Variants in MAP3K2 observed in about 807,000 individuals in gnomAD.
MAP3K2 encodes the protein mitogen-activated protein kinase kinase kinase 2.
In MAP3K2, 24 loss-of-function variants were observed where a neutral mutation model predicts 80.3. That is an observed-to-expected ratio of 0.30 (90% confidence interval 0.22 to 0.42). The LOEUF is 0.42. Ranked by LOEUF, MAP3K2 falls within the 10% of genes least tolerant of loss-of-function variation. The pLI, the probability that MAP3K2 is intolerant of heterozygous loss-of-function variation, is 1.00. For missense variants in MAP3K2, 608 were observed against 750.1 expected, an observed-to-expected ratio of 0.81 and a Z score of 2.21; for synonymous variants, 244 against 253.7, an observed-to-expected ratio of 0.96 and a Z score of 0.36.
chr2:127,378,981 G>GT (rs58961718), intron 1 of MAP3K2, among the ~76,000 whole-genome samples: 21,630 of 88,170 alleles, frequency 0.25, 3,810 homozygotes, highest in Middle Eastern at 0.32. Flanking sequence ...GTTTTTTGTT[G>GT]TTTTTTTTTT....
At position 127,322,322 on chromosome 2, in the gene MAP3K2, TG is replaced by T; in HGVS notation, c.839-71del. ...TTATACTTTTAAAGTATTTAAAATTTGTAATGTAGAGAATAGAAATTTGTCC... is the reference window on the plus strand; with the variant it reads ...TTATACTTTTAAAGTATTTAAAATTTTAATGTAGAGAATAGAAATTTGTCC... On this transcript the variant is annotated intron_variant, in intron 11 of 16. Coordinates refer to ENST00000682094, the MANE Select transcript of MAP3K2 (RefSeq NM_001371910.2). This position sits in a 1 kb window ranked among gnomAD's most constrained non-coding sequence, Gnocchi z 4.2. 1 of 1,013,402 alleles carries T rather than the reference TG, an allele frequency of 9.9e-7. No homozygotes were observed. Among genetic ancestry groups the T allele is most frequent in the Non-Finnish European group, 1.4e-6 (1 of 694,926 alleles). 62.8% of individuals were successfully genotyped at this position (1,013,402 alleles called of 1,614,324 possible). A position where few individuals can be genotyped will look rare whatever the true frequency, so the allele number is the denominator to read the frequency against.
intron 6 of MAP3K2, 88 bp from the exon 7 acceptor site, chr2:127,330,096 A>G (rs1166954124): frequency 1.3e-5 from 10 of 762,508 alleles, no homozygotes. Context: ...AAAACATTTT[A>G]TATTGTTTGT....
chr2:127,331,565 G>T (rs1167948293), intron 5 of MAP3K2, among the ~76,000 whole-genome samples: 2 of 152,168 alleles, frequency 1.3e-5, no homozygotes, highest in African/African-American at 4.8e-5. Flanking sequence ...TAGCTGGCAT[G>T]GTGTATGTTC....
At chr2:127,354,693 T>A (rs961930281) in intron 1 of MAP3K2, among the ~76,000 whole-genome samples, 1 of 151,872 alleles carries the variant, frequency 6.6e-6, no homozygotes, top group African/African-American at 2.4e-5. Flanking sequence ...CCTAACAAGG[T>A]AGAATTCATA....
At chr2:127,343,702 G>C (rs1686541965) in intron 1 of MAP3K2, among the ~76,000 whole-genome samples, 1 of 152,118 alleles carries the variant, frequency 6.6e-6, no homozygotes, top group African/African-American at 2.4e-5. Context: ...ACAGGAAAGG[G>C]AAAGGATAGA....
chr2:127,343,020 AAATTT>A (rs1388009421), intron 2 of MAP3K2, 101 bp downstream of exon 2: 3 of 809,340 alleles, frequency 3.7e-6, no homozygotes, highest in Admixed American at 2.8e-5. Flanking sequence ...CTATATCATA[AAATTT>A]ATTTATAAAA....
intron 15 of MAP3K2, among the ~76,000 whole-genome samples, chr2:127,311,400 A>G (rs1348979878): frequency 2.0e-5 from 3 of 152,216 alleles, no homozygotes; most frequent in Non-Finnish European, 4.4e-5. Context: ...AGACAGGGGA[A>G]GCTGTCTCTG....
chr2:127,359,184 T>C (rs1319077334), intron 1 of MAP3K2, among the ~76,000 whole-genome samples: 1 of 152,202 alleles, frequency 6.6e-6, no homozygotes, highest in Non-Finnish European at 1.5e-5. Flanking sequence ...GAGTTAATTC[T>C]AATGTAAATT....
chr2:127,343,242 G>C (rs1686534157), intron 1 of MAP3K2, 48 bp from the exon 2 acceptor site: 1 of 746,266 alleles, frequency 1.3e-6, no homozygotes, highest in African/African-American at 1.8e-5. Context: ...AAACAGAAAA[G>C]GAGCCAGGAA....
At chr2:127,369,836 T>C (rs1314583881) in intron 1 of MAP3K2, among the ~76,000 whole-genome samples, 1 of 152,206 alleles carries the variant, frequency 6.6e-6, no homozygotes, top group Non-Finnish European at 1.5e-5. Context: ...TCTGATATGG[T>C]CTCTTTTCTC....
chr2:127,379,820 CCA>C lies in MAP3K2; in HGVS notation c.-66+7630_-66+7631del, dbSNP rs1414034885. 1.1e-4 allele frequency among the ~76,000 whole-genome samples: 17 copies of C among 152,316 alleles called. No individual in the cohort carries two copies. The East Asian group carries it at 3.3e-3, about 29-fold the overall frequency. On this transcript the variant is annotated intron_variant, in intron 1 of 16. Coordinates refer to ENST00000682094, the MANE Select transcript of MAP3K2 (RefSeq NM_001371910.2). ...TGCCTGAGTTCAAGTCCTAGCTCCACCACAGACAAGATGTGTGAACCTAAGCA... is the reference window on the plus strand; with the variant it reads ...TGCCTGAGTTCAAGTCCTAGCTCCACCAGACAAGATGTGTGAACCTAAGCA...
intron 12 of MAP3K2, among the ~76,000 whole-genome samples, chr2:127,319,673 A>AAAAAAAAAAAAG (rs1558975361): frequency 7.0e-5 from 10 of 142,568 alleles, no homozygotes; most frequent in African/African-American, 2.7e-4. Context: ...AAAAAAAAAA[A>AAAAAAAAAAAAG]AAAAAGAAAA....
At chr2:127,317,014 T>C (rs1336718413) in intron 14 of MAP3K2, 1 of 148,280 alleles carries the variant, frequency 6.7e-6, no homozygotes, top group Non-Finnish European at 1.5e-5. Flanking sequence ...AAAAACAAAA[T>C]CCACAAGAAT....
chr2:127,324,291 TAAAAAG>T, intron 9 of MAP3K2, 50 bp from the exon 10 acceptor site: 4 of 1,119,012 alleles, frequency 3.6e-6, no homozygotes, highest in Non-Finnish European at 5.1e-6. Flanking sequence ...CGTAAGACAT[TAAAAAG>T]AAAATCTTTG....
chr2:127,321,741 C>A lies in MAP3K2; in HGVS notation c.1045+305G>T, dbSNP rs1244057761. Among the ~76,000 whole-genome samples, 1 of 152,058 alleles carries A rather than the reference C, an allele frequency of 6.6e-6. No individual in the cohort carries two copies. Among genetic ancestry groups the A allele is most frequent in the Non-Finnish European group, 1.5e-5 (1 of 68,014 alleles). On this transcript the variant is annotated intron_variant, in intron 12 of 16. Transcript: ENST00000682094. The surrounding 1 kb of genome is among the most constrained non-coding windows in gnomAD (Gnocchi z 4.4). Reference sequence around the variant, plus strand: ...TATCATCTATCCCATTAGATTATGTCTTGGAGATTATGTTTGAAATCTCAG... The same window carrying A: ...TATCATCTATCCCATTAGATTATGTATTGGAGATTATGTTTGAAATCTCAG...
At chr2:127,317,877 C>T in intron 13 of MAP3K2, 117 bp from the exon 14 acceptor site, 1 of 911,472 alleles carries the variant, frequency 1.1e-6, no homozygotes, top group East Asian at 2.7e-5. Context: ...AAGTAATAAA[C>T]ATCTGAAAGT....
Position 127,314,776 on chromosome 2 carries a change from C to T in MAP3K2, c.1434G>A (p.Met478Ile). The change falls in exon 15 of 17, where the codon ATG (methionine) becomes ATA (isoleucine). Residue 478 changes from methionine (M) to isoleucine (I), a missense_variant. Met to Ile is a conservative substitution (Grantham distance 10). Transcript: ENST00000682094. The stretch of plus-strand genomic sequence containing the variant: ...TACCTTTGATATCTCTATGGACAAT[C>T]ATATTACTGTGCAAATAATGGACAC... ...LEGVHYLHSN[M>I]IVHRDIKGAN... The T allele has an allele frequency of 6.2e-7, 1 of 1,609,682 alleles. No homozygotes were observed. The highest frequency in any genetic ancestry group is 8.5e-7 in the Non-Finnish European group (1 of 1,176,276).
chr2:127,385,334 A>T (rs549575715), intron 1 of MAP3K2, among the ~76,000 whole-genome samples: 2 of 152,352 alleles, frequency 1.3e-5, no homozygotes, highest in South Asian at 4.1e-4. Context: ...ACCAGCAAAA[A>T]GATTACAATT....
chr2:127,387,449 T>C lies in MAP3K2; in HGVS notation c.-66+3A>G. The C allele has an allele frequency of 1.0e-6, 1 of 967,278 alleles. No homozygotes were observed. The highest frequency in any genetic ancestry group is 4.8e-5 in the South Asian group (1 of 20,670). The allele number at this position is 967,278 out of a possible 1,614,324, so 59.9% of individuals were successfully genotyped here. Reference sequence around the variant, plus strand: ...GCGCGCGCGCACGCACACACGCACGTACCGGCTGCTCCGCAGGGACGTAGA... The same window carrying C: ...GCGCGCGCGCACGCACACACGCACGCACCGGCTGCTCCGCAGGGACGTAGA... On this transcript the variant is annotated splice_donor_region_variant and intron_variant, in intron 1 of 16. Coordinates refer to ENST00000682094, the MANE Select transcript of MAP3K2 (RefSeq NM_001371910.2).
Sources: allele counts gnomAD v4.1 joint callset (sites outside exome capture counted in the v4.1 genomes callset), GRCh38; gene constraint gnomAD v4.1.1; non-coding constraint Gnocchi (gnomAD v3.1); transcripts MANE v1.5; gene names NCBI Gene and HGNC (gene_info 2026-07-23, HGNC 2026-07-21).